The following ATP8A2 variants were observed in gnomAD, a reference collection of about 807,000 sequenced individuals.
ATP8A2 encodes the protein phospholipid-transporting ATPase IB.
A neutral mutation model predicts 165.6 loss-of-function variants in ATP8A2; 100 were observed. The observed-to-expected ratio is 0.60, with a 90% CI of 0.51 to 0.71. The LOEUF (loss-of-function observed/expected upper bound fraction) is 0.71, where lower values mean the gene tolerates loss of function less well. Ranked by LOEUF, ATP8A2 falls within the 30% of genes least tolerant of loss-of-function variation. ATP8A2 has a pLI of 0.00. For missense variants in ATP8A2, 1,227 were observed against 1,479.5 expected, an observed-to-expected ratio of 0.83 and a Z score of 2.80; for synonymous variants, 543 against 548.8, an observed-to-expected ratio of 0.99 and a Z score of 0.15.
At chr13:25,623,094 C>T (rs2041012790) in intron 24 of ATP8A2, among the ~76,000 whole-genome samples, 1 of 152,122 alleles carries the variant, frequency 6.6e-6, no homozygotes, top group Admixed American at 6.6e-5. Context: ...CAACAAAATG[C>T]CAGGACTGGC....
At chr13:25,467,793 C>T (rs775148498) in intron 1 of ATP8A2, among the ~76,000 whole-genome samples, 1 of 152,070 alleles carries the variant, frequency 6.6e-6, no homozygotes, top group Non-Finnish European at 1.5e-5. Flanking sequence ...CCTCGTGATC[C>T]GCCCGCTTCG....
At chr13:25,666,816 G>A (rs1222410525) in intron 24 of ATP8A2, among the ~76,000 whole-genome samples, 1 of 152,176 alleles carries the variant, frequency 6.6e-6, no homozygotes, top group Non-Finnish European at 1.5e-5. Context: ...GGTTTTCTGA[G>A]TAGAGATAAG....
At chr13:25,931,683 G>A (rs781276056) in intron 33 of ATP8A2, among the ~76,000 whole-genome samples, 7 of 152,160 alleles carry the variant, frequency 4.6e-5, no homozygotes, top group Admixed American at 3.9e-4. Context: ...TGAGCTGGGG[G>A]AAGAATCTTG....
intron 35 of ATP8A2, among the ~76,000 whole-genome samples, chr13:25,982,123 A>G (rs984570399): frequency 6.6e-6 from 1 of 152,210 alleles, no homozygotes; most frequent in African/African-American, 2.4e-5. Context: ...CAAAGCATTG[A>G]TCTGTTGCCC....
chr13:25,994,485 C>G (rs1186953503), intron 35 of ATP8A2, among the ~76,000 whole-genome samples: 1 of 152,078 alleles, frequency 6.6e-6, no homozygotes, highest in Non-Finnish European at 1.5e-5. Flanking sequence ...AACTTTTTAT[C>G]ATAAAGTGTG....
At chr13:25,444,004 A>G (rs759421543) in intron 1 of ATP8A2, among the ~76,000 whole-genome samples, 21 of 152,234 alleles carry the variant, frequency 1.4e-4, no homozygotes, top group Admixed American at 2.0e-4. Context: ...ATTTTTATAT[A>G]CCTGTGACTA....
At chr13:25,646,443 C>A (rs2041672567) in intron 24 of ATP8A2, among the ~76,000 whole-genome samples, 1 of 151,986 alleles carries the variant, frequency 6.6e-6, no homozygotes, top group Non-Finnish European at 1.5e-5. Context: ...GAGGCGAGGT[C>A]AGGAGTTCAA....
chr13:25,763,537 C>T (rs1005613176), intron 25 of ATP8A2, among the ~76,000 whole-genome samples: 1 of 152,102 alleles, frequency 6.6e-6, no homozygotes. Flanking sequence ...CCACAGGTAC[C>T]TATTGGGCTC....
chr13:25,392,143 C>G (rs777729711), intron 1 of ATP8A2, among the ~76,000 whole-genome samples: 5 of 152,242 alleles, frequency 3.3e-5, no homozygotes, highest in Admixed American at 1.3e-4. Flanking sequence ...CACCACCCCT[C>G]AAGTGCCTGA....
intron 25 of ATP8A2, among the ~76,000 whole-genome samples, chr13:25,717,021 C>T (rs543708221): frequency 6.6e-6 from 1 of 152,300 alleles, no homozygotes; most frequent in Admixed American, 6.5e-5. Flanking sequence ...GGAAAATACT[C>T]TTTCTGGAAA....
chr13:25,377,143 AGCAT>A (rs967864443), intron 1 of ATP8A2, among the ~76,000 whole-genome samples: 28 of 152,264 alleles, frequency 1.8e-4, no homozygotes, highest in African/African-American at 6.3e-4. Context: ...AAAGTTTTTA[AGCAT>A]TTATGAGACG....
rs570224969 is a variant in ATP8A2, at chr13:25,826,523, CA to C, written c.2680-1594del. On this transcript the variant is annotated intron_variant, in intron 27 of 36. Coordinates refer to ENST00000381655, the MANE Select transcript of ATP8A2 (RefSeq NM_016529.6). ...GGAAGAATTCCTGCTTCAAGAAACG[CA>C]GTCTGGTGGAGTCAAGAAACTGATT... 2.9e-4 allele frequency among the ~76,000 whole-genome samples: 44 copies of C among 152,274 alleles called. No homozygotes were observed. The South Asian group carries it at 9.1e-3, about 32-fold the overall frequency.
chr13:25,872,402 C>T (rs1191315150), intron 33 of ATP8A2, among the ~76,000 whole-genome samples: 1 of 152,134 alleles, frequency 6.6e-6, no homozygotes, highest in Non-Finnish European at 1.5e-5. Context: ...TGAGCACACC[C>T]CTGGATCCAG....
intron 33 of ATP8A2, among the ~76,000 whole-genome samples, chr13:25,960,544 G>A (rs981960763): frequency 1.3e-5 from 2 of 152,066 alleles, no homozygotes; most frequent in African/African-American, 4.8e-5. Context: ...CGGTGAACAC[G>A]GAGGGTTTGT....
intron 1 of ATP8A2, among the ~76,000 whole-genome samples, chr13:25,408,729 A>G (rs576612075): frequency 5.3e-5 from 8 of 152,332 alleles, no homozygotes; most frequent in African/African-American, 1.9e-4. Context: ...GTTTATAGTT[A>G]GAGACTCCTC....
At chr13:25,455,894 G>A (rs1346029600) in intron 1 of ATP8A2, among the ~76,000 whole-genome samples, 3 of 152,074 alleles carry the variant, frequency 2.0e-5, no homozygotes, top group Non-Finnish European at 4.4e-5. Flanking sequence ...TGTTATAGTT[G>A]GTCTATCAAA....
At position 26,019,925 on chromosome 13, in the gene ATP8A2, TAGTC is replaced by T. The variant is rs762916809; in HGVS notation, c.3510_3513del (p.Ser1170ArgfsTer21). 8.1e-6 allele frequency: 13 copies of T among 1,614,042 alleles called. No homozygotes were observed. The highest frequency in any genetic ancestry group is 1.0e-5 in the Non-Finnish European group (12 of 1,179,980). Reference sequence around the variant, plus strand: ...TTTCTCAAGAAGAACACGGAGCTGTTAGTCAGGAAGAAGTCATCCGTGCTTATGA... The same window carrying T: ...TTTCTCAAGAAGAACACGGAGCTGTTAGGAAGAAGTCATCCGTGCTTATGA... On this transcript the variant is annotated frameshift_variant, in exon 37 of 37. Coordinates refer to ENST00000381655, the MANE Select transcript of ATP8A2 (RefSeq NM_016529.6). LOFTEE classifies it high-confidence loss of function.
chr13:25,884,135 G>T (rs1216033093), intron 33 of ATP8A2, among the ~76,000 whole-genome samples: 2 of 152,138 alleles, frequency 1.3e-5, no homozygotes, highest in Non-Finnish European at 2.9e-5. Context: ...GTTAATGGAA[G>T]GACAGTGGGG....
intron 33 of ATP8A2, among the ~76,000 whole-genome samples, chr13:25,872,011 A>G (rs1025580332): frequency 2.0e-5 from 3 of 151,894 alleles, no homozygotes; most frequent in Non-Finnish European, 2.9e-5. Context: ...GTACAGTGAC[A>G]TCTTGCCATC....
Sources: gnomAD v4.1 joint callset for allele counts (sites outside exome capture counted in the v4.1 genomes callset) on GRCh38, gnomAD v4.1.1 for gene constraint, MANE v1.5 for transcripts, NCBI Gene and HGNC (gene_info 2026-07-23, HGNC 2026-07-21) for gene names.